The following PTCD3 variants were observed in gnomAD, a reference collection of about 807,000 sequenced individuals.
PTCD3 encodes pentatricopeptide repeat domain 3.
A neutral mutation model predicts 101.9 loss-of-function variants in PTCD3; 89 were observed. The ratio of observed to expected loss-of-function variants is 0.87; its 90% CI spans 0.74 to 1.04. The LOEUF (loss-of-function observed/expected upper bound fraction) is 1.04. Among genes scored for constraint, PTCD3 ranks in the 50% least tolerant of loss-of-function variants. PTCD3 has a pLI of 0.00. For synonymous variants in PTCD3, 296 were observed against 278.5 expected, an observed-to-expected ratio of 1.06 and a Z score of -0.63; for missense variants, 870 against 828.2, an observed-to-expected ratio of 1.05 and a Z score of -0.62.
At chr2:86,132,739 C>T (rs1674515763) in intron 17 of PTCD3, 1 of 299,728 alleles carries the variant, frequency 3.3e-6, no homozygotes, top group Non-Finnish European at 6.2e-6. Context: ...TTTCCTTTCA[C>T]CTCCCTTGCT....
At position 86,140,682 on chromosome 2, in the gene PTCD3, T is replaced by C. The variant is rs1558802694; in HGVS notation, c.*3123T>C. On this transcript the variant is annotated 3_prime_UTR_variant, in exon 24 of 24. Transcript: ENST00000254630. Reference sequence around the variant, plus strand: ...TACCAAAAAAATGGGTGTATTTGATTTGGGTGCTGTAAGGCAATTTGCTAG... The same window carrying C: ...TACCAAAAAAATGGGTGTATTTGATCTGGGTGCTGTAAGGCAATTTGCTAG... 6.6e-6 allele frequency: 1 copy of C among 152,016 alleles called. No homozygotes were observed. The allele number at this position is 152,016 out of a possible 1,614,324, so 9.4% of individuals were successfully genotyped here. A position where few individuals can be genotyped will look rare whatever the true frequency, so the allele number is the denominator to read the frequency against.
rs993313932 is a variant in PTCD3, at chr2:86,116,419, C to G, written c.241-111C>G. On this transcript the variant is annotated intron_variant, in intron 4 of 23. Coordinates refer to ENST00000254630, the MANE Select transcript of PTCD3 (RefSeq NM_017952.6). The stretch of plus-strand genomic sequence containing the variant: ...AGCTGTGGTGGCACACACCTGTAGC[C>G]TAGGCTACTTGGGAGGCTGAGGCAG... 5 of 889,030 alleles carry G rather than the reference C, an allele frequency of 5.6e-6. No individual in the cohort carries two copies. In the African/African-American group the frequency reaches 6.7e-5, roughly 12 times the overall value. The allele number at this position is 889,030 out of a possible 1,614,324, so 55.1% of individuals were successfully genotyped here. A position where few individuals can be genotyped will look rare whatever the true frequency, so the allele number is the denominator to read the frequency against.
chr2:86,111,436 A>C (rs567098220), intron 4 of PTCD3, among the ~76,000 whole-genome samples: 1 of 152,028 alleles, frequency 6.6e-6, no homozygotes, highest in East Asian at 2.0e-4. Flanking sequence ...AAAATATAAA[A>C]AATTAGCCAG....
intron 14 of PTCD3, 71 bp from the exon 15 acceptor site, chr2:86,130,577 T>C: frequency 1.3e-6 from 2 of 1,538,032 alleles, no homozygotes; most frequent in East Asian, 2.3e-5. Flanking sequence ...TGTGTCCCTT[T>C]GTATTAGGTA....
At chr2:86,132,455 TG>T in intron 17 of PTCD3, 31 bp downstream of exon 17, 1 of 1,475,538 alleles carries the variant, frequency 6.8e-7, no homozygotes, top group Non-Finnish European at 9.4e-7. Context: ...TCCTTTTGCA[TG>T]AGTTACCAGA....
rs757610108 is a variant in PTCD3, at chr2:86,117,137, A to G, written c.392A>G (p.Asp131Gly). 2.3e-6 allele frequency: 3 copies of G among 1,304,564 alleles called. No individual in the cohort carries two copies. The highest frequency in any genetic ancestry group is 2.2e-6 in the Non-Finnish European group (2 of 898,152). 80.8% of individuals were successfully genotyped at this position (1,304,564 alleles called of 1,614,324 possible). A position where few individuals can be genotyped will look rare whatever the true frequency, so the allele number is the denominator to read the frequency against. Residue 131 changes from aspartate to glycine, a missense_variant, in exon 6 of 24, where the codon GAC becomes GGC. By Grantham distance (94) the Asp-to-Gly change is moderately conservative. Transcript: ENST00000254630. ...TCATACCCCAAATATTTTCAGAAGGACATAGCTGAACCTCATATACCGGTA... is the reference window on the plus strand; with the variant it reads ...TCATACCCCAAATATTTTCAGAAGGGCATAGCTGAACCTCATATACCGGTA... ...INSYPKYFQK[D>G]IAEPHIPCLM...
chr2:86,108,197 T>C, intron 1 of PTCD3, 153 bp from the exon 2 acceptor site: 3 of 794,296 alleles, frequency 3.8e-6, no homozygotes, highest in Non-Finnish European at 6.0e-6. Flanking sequence ...ATATTGAACA[T>C]GTGTACAGAC....
chr2:86,121,642 G>C, intron 8 of PTCD3, 48 bp downstream of exon 8: 1 of 1,219,742 alleles, frequency 8.2e-7, no homozygotes. Context: ...GCTTCTTTTT[G>C]AAGAAATTGC....
chr2:86,108,300 T>C, intron 1 of PTCD3, 50 bp from the exon 2 acceptor site: 3 of 1,577,056 alleles, frequency 1.9e-6, no homozygotes, highest in Non-Finnish European at 2.6e-6. Context: ...GGAGGTGAGC[T>C]GGGTACTTCA....
At chr2:86,133,113 C>G in intron 17 of PTCD3, 65 bp from the exon 18 acceptor site, 10 of 1,559,676 alleles carry the variant, frequency 6.4e-6, no homozygotes, top group Non-Finnish European at 8.7e-6. Context: ...TAATTTCAAC[C>G]CTTATTTCCC....
At position 86,127,308 on chromosome 2, in the gene PTCD3, G is replaced by T; in HGVS notation, c.1096+3G>T. The T allele has an allele frequency of 6.2e-7, 1 of 1,613,624 alleles. No homozygotes were observed. Among genetic ancestry groups the T allele is most frequent in the African/African-American group, 1.3e-5 (1 of 75,066 alleles). ...TGAAATGAAAGCCATTGGAATAGGTGAGGATGCGCCCTTGAGTTCTCTGAG... is the reference window on the plus strand; with the variant it reads ...TGAAATGAAAGCCATTGGAATAGGTTAGGATGCGCCCTTGAGTTCTCTGAG... On this transcript the variant is annotated splice_donor_region_variant and intron_variant, in intron 13 of 23. Transcript: ENST00000254630.
intron 1 of PTCD3, among the ~76,000 whole-genome samples, chr2:86,108,124 T>C (rs1673999550): frequency 6.8e-6 from 1 of 147,798 alleles, no homozygotes; most frequent in African/African-American, 2.5e-5. Flanking sequence ...AGACCCTGTC[T>C]CTAAAAAAAA....
chr2:86,133,934 T>G (rs549189600), intron 19 of PTCD3, among the ~76,000 whole-genome samples: 1 of 152,340 alleles, frequency 6.6e-6, no homozygotes, highest in East Asian at 1.9e-4. Flanking sequence ...AGGTGACTAC[T>G]GTATCATAAA....
chr2:86,128,971 T>C (rs1674447255), intron 14 of PTCD3, among the ~76,000 whole-genome samples: 1 of 152,246 alleles, frequency 6.6e-6, no homozygotes, highest in Non-Finnish European at 1.5e-5. Context: ...TTGACAGTTC[T>C]AGTCATTCTT....
intron 4 of PTCD3, among the ~76,000 whole-genome samples, chr2:86,112,254 C>T (rs1427839371): frequency 8.6e-5 from 13 of 151,128 alleles, no homozygotes; most frequent in Middle Eastern, 3.4e-3. Context: ...GACGGGGTTT[C>T]GCTGTGCTCA....
At chr2:86,130,133 C>T (rs540259189) in intron 14 of PTCD3, among the ~76,000 whole-genome samples, 3 of 152,214 alleles carry the variant, frequency 2.0e-5, no homozygotes, top group South Asian at 4.1e-4. Context: ...AACCCCTCCT[C>T]TACTAAAAAT....
intron 8 of PTCD3, 59 bp from the exon 9 acceptor site, chr2:86,123,638 TCTGA>T (rs1351712032): frequency 1.6e-6 from 2 of 1,270,426 alleles, no homozygotes; most frequent in Non-Finnish European, 2.2e-6. Flanking sequence ...TTTTGAGTAG[TCTGA>T]CTGGGAAATG....
rs958976435 is a variant in PTCD3, at chr2:86,140,298, G to C, written c.*2739G>C. ...ACCAAGCACTAGGCTTAGAGGAAAA[G>C]ATGTCAGATTGTACTGTCACTGGCT... is the stretch of plus-strand genomic sequence containing the variant. On this transcript the variant is annotated 3_prime_UTR_variant, in exon 24 of 24. Transcript: ENST00000254630. 1.3e-5 allele frequency: 2 copies of C among 149,902 alleles called. No homozygotes were observed. The highest frequency in any genetic ancestry group is 7.1e-3 in the Middle Eastern group (2 of 282). The allele number at this position is 149,902 out of a possible 1,614,324, so 9.3% of individuals were successfully genotyped here.
chr2:86,137,024 T>C lies in PTCD3; in HGVS notation c.1863T>C (p.Ser621=), dbSNP rs201242466. ...LNELMDSAKV[S]NSPSQAIEVV... is the part of the protein sequence containing the mutation. ...AGCTTATGGACAGTGCAAAAGTGTC[T>C]AACAGCCCTTCCCAGGCCATTGAAG... The change falls in exon 23 of 24, where the codon TCT becomes TCC. Residue 621 remains serine, a synonymous_variant. Coordinates refer to ENST00000254630, the MANE Select transcript of PTCD3 (RefSeq NM_017952.6). The C allele has an allele frequency of 3.7e-6, 6 of 1,613,840 alleles. No homozygotes were observed. The highest frequency in any genetic ancestry group is 4.2e-6 in the Non-Finnish European group (5 of 1,179,934).
Sources: allele counts gnomAD v4.1 joint callset (sites outside exome capture counted in the v4.1 genomes callset), GRCh38; gene constraint gnomAD v4.1.1; transcripts MANE v1.5; gene names NCBI Gene and HGNC (gene_info 2026-07-23, HGNC 2026-07-21).